The following MTSS2 variants were observed in gnomAD, a reference collection of about 807,000 sequenced individuals.
The protein encoded by MTSS2 is MTSS I-BAR domain containing 2.
MTSS2 carries 27 observed loss-of-function variants against 67.1 expected under a neutral mutation model. The ratio of observed to expected loss-of-function variants is 0.40; its 90% CI spans 0.30 to 0.55. The LOEUF is 0.55. Ranked by LOEUF, MTSS2 falls within the 20% of genes least tolerant of loss-of-function variation. The pLI is 0.43. For missense variants in MTSS2, 1,171 were observed against 1,067.8 expected (o/e 1.10, Z -1.35); for synonymous variants, 624 against 468.6 (o/e 1.33, Z -4.28).
rs2052574481 is a variant in MTSS2, at chr16:70,663,645, T to C, written c.*32A>G. On this transcript the variant is annotated 3_prime_UTR_variant, in exon 15 of 15. Transcript: ENST00000338779. ...CACAGACCAGGCCACCTGCTCGCAC[T>C]GGGGCCTGAGAGGATGGGGAGGGTG... 4.6e-6 allele frequency: 7 copies of C among 1,530,922 alleles called. No homozygotes were observed. The highest frequency in any genetic ancestry group is 6.1e-6 in the Non-Finnish European group (7 of 1,139,418). The allele number at this position is 1,530,922 out of a possible 1,614,324, so 94.8% of individuals were successfully genotyped here.
chr16:70,664,852 G>A (rs1328898681), intron 13 of MTSS2, 68 bp downstream of exon 13: 11 of 1,515,198 alleles, frequency 7.3e-6, no homozygotes, highest in Non-Finnish European at 8.0e-6. Context: ...GTTGGAGCCG[G>A]CCCTGAGGCC....
Position 70,663,660 on chromosome 16 carries a change from T to C in MTSS2, c.*17A>G. The C allele has an allele frequency of 1.3e-6, 2 of 1,557,236 alleles. No homozygotes were observed. The highest frequency in any genetic ancestry group is 1.7e-6 in the Non-Finnish European group (2 of 1,152,106). On this transcript the variant is annotated 3_prime_UTR_variant, in exon 15 of 15. Transcript: ENST00000338779. Reference sequence around the variant, plus strand: ...CTGCTCGCACTGGGGCCTGAGAGGATGGGGAGGGTGGCGCCATCATAAGAT... The same window carrying C: ...CTGCTCGCACTGGGGCCTGAGAGGACGGGGAGGGTGGCGCCATCATAAGAT...
chr16:70,676,773 T>C (rs1352106854), intron 10 of MTSS2, 108 bp downstream of exon 10: 2 of 923,786 alleles, frequency 2.2e-6, no homozygotes, highest in Non-Finnish European at 3.4e-6. Context: ...GTAAAAGTTG[T>C]GAATTTTGAG....
rs142750803 is a variant in MTSS2 at position 70,674,408 on chromosome 16, G to A, written c.951C>T (p.Thr317=). Residue 317 remains threonine (T), a synonymous_variant, in exon 11 of 15, where the codon ACC becomes ACT. Transcript: ENST00000338779. The part of the protein sequence containing the change: ...YRSLAQPATT[T]ARLSSVSSHD... ...GGGAGGAAACGCTGGAGAGGCGAGC[G>A]GTGGTGGTGGCTGGCTGCGCCAGGC... 4.9e-4 allele frequency: 787 copies of A among 1,614,196 alleles called. 4 individuals are homozygous for A. Among genetic ancestry groups the A allele is most frequent in the African/African-American group, 4.5e-3 (340 of 75,064 alleles).
intron 1 of MTSS2, among the ~76,000 whole-genome samples, chr16:70,682,865 A>C (rs2053343169): frequency 6.6e-6 from 1 of 152,088 alleles, no homozygotes; most frequent in Non-Finnish European, 1.5e-5. Flanking sequence ...CAACAAGGAA[A>C]CAGAAGCCCG....
rs1461067097 is a variant in MTSS2, at chr16:70,661,745, G to A, written c.*1932C>T. On this transcript the variant is annotated 3_prime_UTR_variant, in exon 15 of 15. Coordinates refer to ENST00000338779, the MANE Select transcript of MTSS2 (RefSeq NM_138383.3). ...GGAGTCGGTGGGGGCTGTGCCACACGAGCCCCCCTCTCTGGGTAGCCCCTG... is the reference window on the plus strand; with the variant it reads ...GGAGTCGGTGGGGGCTGTGCCACACAAGCCCCCCTCTCTGGGTAGCCCCTG... The A allele has an allele frequency of 1.4e-5, 3 of 208,712 alleles. No individual in the cohort carries two copies. The highest frequency in any genetic ancestry group is 7.0e-5 in the South Asian group (1 of 14,304). The allele number at this position is 208,712 out of a possible 1,614,324, so 12.9% of individuals were successfully genotyped here.
At chr16:70,682,418 CT>C (rs2142925228) in intron 1 of MTSS2, among the ~76,000 whole-genome samples, 1 of 152,224 alleles carries the variant, frequency 6.6e-6, no homozygotes, top group African/African-American at 2.4e-5. Flanking sequence ...GCCTTGAAAC[CT>C]TGCTAAGATC....
rs1046860673 is a variant in MTSS2, at chr16:70,677,066, C to A, written c.733-88G>T. 110 of 1,034,256 alleles carry A rather than the reference C, an allele frequency of 1.1e-4. No individual in the cohort carries two copies. The African/African-American group carries it at 1.6e-3, about 15-fold the overall frequency. The allele number at this position is 1,034,256 out of a possible 1,614,324, so 64.1% of individuals were successfully genotyped here. A position where few individuals can be genotyped will look rare whatever the true frequency, so the allele number is the denominator to read the frequency against. ...CCCCCCCCCACTCTCTAATTGTGAA[C>A]CACATCCCAGGAGAAGACCCAGAAA... is the stretch of plus-strand genomic sequence containing the variant. On this transcript the variant is annotated intron_variant, in intron 9 of 14. Transcript: ENST00000338779.
chr16:70,669,516 CTT>C (rs1324839712), intron 11 of MTSS2, among the ~76,000 whole-genome samples: 4 of 151,568 alleles, frequency 2.6e-5, no homozygotes, highest in Non-Finnish European at 4.4e-5. Flanking sequence ...GACCCTATCT[CTT>C]ATAAAAAAGT....
chr16:70,664,882 A>G, intron 13 of MTSS2, 38 bp downstream of exon 13: 1 of 1,522,094 alleles, frequency 6.6e-7, no homozygotes. Flanking sequence ...GCCTCCTGGG[A>G]CTGACCTGGG....
At position 70,685,808 on chromosome 16, in the gene MTSS2, G is replaced by T; in HGVS notation, c.-17C>A. ...CGTCTCCATGCTCTGGCTGGGCCGG[G>T]CCGCGGCGGCGGCTAGGCGCACGGA... On this transcript the variant is annotated 5_prime_UTR_variant, in exon 1 of 15. Transcript: ENST00000338779. 1.5e-6 allele frequency: 2 copies of T among 1,294,324 alleles called. No individual in the cohort carries two copies. The highest frequency in any genetic ancestry group is 2.0e-6 in the Non-Finnish European group (2 of 1,003,204). The allele number at this position is 1,294,324 out of a possible 1,614,324, so 80.2% of individuals were successfully genotyped here. A position where few individuals can be genotyped will look rare whatever the true frequency, so the allele number is the denominator to read the frequency against.
intron 11 of MTSS2, among the ~76,000 whole-genome samples, chr16:70,670,289 C>T (rs1416287777): frequency 6.6e-6 from 1 of 152,066 alleles, no homozygotes; most frequent in Non-Finnish European, 1.5e-5. Context: ...AACAAAACGA[C>T]ACAAAACAAA....
In MTSS2 at chr16:70,664,307, G is replaced by T; in HGVS notation, c.1614C>A (p.Ser538=). 1 of 1,587,048 alleles carries T rather than the reference G, an allele frequency of 6.3e-7. No individual in the cohort carries two copies. ...GCCCCGCGGTGGGCAGCCCAGCAGT[G>T]GAGGCTGGGCGCTTGGTCTGGATCA... ...RRLIQTKRPA[S]TAGLPTAGLP... The change falls in exon 15 of 15, where the codon TCC becomes TCA. Residue 538 remains serine (S), a synonymous_variant. Transcript: ENST00000338779.
At position 70,685,800 on chromosome 16, in the gene MTSS2, T is replaced by A; in HGVS notation, c.-9A>T. The A allele has an allele frequency of 7.8e-7, 1 of 1,288,908 alleles. No individual in the cohort carries two copies. 79.8% of individuals were successfully genotyped at this position (1,288,908 alleles called of 1,614,324 possible). A position where few individuals can be genotyped will look rare whatever the true frequency, so the allele number is the denominator to read the frequency against. Reference sequence around the variant, plus strand: ...TTCTCCGCCGTCTCCATGCTCTGGCTGGGCCGGGCCGCGGCGGCGGCTAGG... The same window carrying A: ...TTCTCCGCCGTCTCCATGCTCTGGCAGGGCCGGGCCGCGGCGGCGGCTAGG... On this transcript the variant is annotated 5_prime_UTR_variant, in exon 1 of 15. Coordinates refer to ENST00000338779, the MANE Select transcript of MTSS2 (RefSeq NM_138383.3).
At chr16:70,680,692 G>C (rs112034943) in intron 3 of MTSS2, 102 bp downstream of exon 3, 17 of 1,049,160 alleles carry the variant, frequency 1.6e-5, no homozygotes, top group African/African-American at 1.3e-4. Flanking sequence ...AAGGTTCTGG[G>C]CTTGGCGTCC....
At chr16:70,680,918 G>GGGGGGGGGGGGGGGGGGGGGGGCCCCCCC in intron 2 of MTSS2, 46 bp downstream of exon 2, 1 of 1,097,902 alleles carries the variant, frequency 9.1e-7, no homozygotes, top group Non-Finnish European at 1.3e-6. Flanking sequence ...CGGGGGGGGG[G>GGGGGGGGGGGGGGGGGGGGGGGCCCCCCC]CCTCTGCCTG....
In MTSS2 at chr16:70,677,912, C is replaced by G; in HGVS notation, c.625-13G>C. The G allele has an allele frequency of 6.4e-7, 1 of 1,570,190 alleles. No individual in the cohort carries two copies. The highest frequency in any genetic ancestry group is 8.6e-7 in the Non-Finnish European group (1 of 1,156,124). On this transcript the variant is annotated splice_polypyrimidine_tract_variant and intron_variant, in intron 8 of 14. Transcript: ENST00000338779. ...TCAGCTCTCCATTCTGAGGAAGCAG[C>G]GAGTCAGACCTGCTGGCCCTATCGC...
intron 10 of MTSS2, 117 bp from the exon 11 acceptor site, chr16:70,674,645 A>G: frequency 1.2e-6 from 1 of 857,270 alleles, no homozygotes; most frequent in East Asian, 2.6e-5. Flanking sequence ...GAAGGAAAAG[A>G]CAATGTCAGA....
intron 10 of MTSS2, among the ~76,000 whole-genome samples, chr16:70,676,263 C>T (rs1191242924): frequency 6.6e-6 from 1 of 152,256 alleles, no homozygotes; most frequent in Non-Finnish European, 1.5e-5. Flanking sequence ...GATCCTGAGC[C>T]TGGCTAGTGA....
Sources: gnomAD v4.1 joint callset for allele counts (sites outside exome capture counted in the v4.1 genomes callset) on GRCh38, gnomAD v4.1.1 for gene constraint, MANE v1.5 for transcripts, NCBI Gene and HGNC (gene_info 2026-07-23, HGNC 2026-07-21) for gene names.